DDX51: variants seen among roughly 807,000 people sequenced by gnomAD.
The protein encoded by DDX51 is DEAD-box helicase 51.
DDX51 carries 67 observed loss-of-function variants against 74.6 expected under a neutral mutation model. That is an observed-to-expected ratio of 0.90 (90% CI 0.74 to 1.10). The LOEUF (loss-of-function observed/expected upper bound fraction) is 1.10. DDX51 is among the 50% of genes least tolerant of loss of function. DDX51 has a pLI of 0.00. For missense variants in DDX51, 1,056 were observed against 905.2 expected, an observed-to-expected ratio of 1.17 and a Z score of -2.14; for synonymous variants, 545 against 402.9, an observed-to-expected ratio of 1.35 and a Z score of -4.22.
chr12:132,143,973 C>T lies in DDX51; in HGVS notation c.304+20G>A, dbSNP rs369570872. The T allele has an allele frequency of 1.0e-3, 1,432 of 1,427,288 alleles. 10 individuals carry two copies. The African/African-American group carries it at 0.019, about 19-fold the overall frequency. The allele number at this position is 1,427,288 out of a possible 1,614,324, so 88.4% of individuals were successfully genotyped here. On this transcript the variant is annotated intron_variant, in intron 1 of 14. Transcript: ENST00000397333. ...GAGTCGCCGGCGCCCCAGAGGGAGCCCGCTCGCCCCGCGGCCCACCTGCGC... is the reference window on the plus strand; with the variant it reads ...GAGTCGCCGGCGCCCCAGAGGGAGCTCGCTCGCCCCGCGGCCCACCTGCGC...
intron 2 of DDX51, chr12:132,143,435 C>A: frequency 1.8e-6 from 1 of 571,376 alleles, no homozygotes; most frequent in Non-Finnish European, 3.0e-6. Context: ...CAGCAGGAAA[C>A]CCCGCACGTT....
At chr12:132,143,204 C>T (rs1409754865) in intron 2 of DDX51, 3 of 430,528 alleles carry the variant, frequency 7.0e-6, no homozygotes, top group Non-Finnish European at 1.3e-5. Flanking sequence ...GCACCCCCAA[C>T]CCCCAACCTT....
At chr12:132,142,601 G>C in intron 3 of DDX51, 127 bp downstream of exon 3, 11 of 1,482,462 alleles carry the variant, frequency 7.4e-6, no homozygotes, top group Non-Finnish European at 9.9e-6. Flanking sequence ...GGAACCATGA[G>C]CTTGAGAGTG....
At chr12:132,139,357 G>T in intron 14 of DDX51, 59 bp from the exon 15 acceptor site, 1 of 1,588,692 alleles carries the variant, frequency 6.3e-7, no homozygotes, top group Non-Finnish European at 8.6e-7. Context: ...CGTCTGTGGG[G>T]CCCCGGGCTC....
In DDX51 at chr12:132,141,539, C is replaced by T. The variant is rs773766700; in HGVS notation, c.1063G>A (p.Asp355Asn). ...ATPGRLVDHI[D>N]QTPGFSLQQL... ...TGGAGGCTGAATCCTGGGGTCTGGT[C>T]GATGTGGTCCACCAGGCGGCCGGGG... Residue 355 changes from aspartate to asparagine, a missense_variant, in exon 7 of 15, where the codon GAC becomes AAC. Asp to Asn is a conservative substitution (Grantham distance 23). Coordinates refer to ENST00000397333, the MANE Select transcript of DDX51 (RefSeq NM_175066.4). 2 of 1,603,848 alleles carry T rather than the reference C, an allele frequency of 1.2e-6. No individual in the cohort carries two copies. The highest frequency in any genetic ancestry group is 2.2e-5 in the East Asian group (1 of 44,804).
rs199727565 is a variant in DDX51 at position 132,139,743 on chromosome 12, A to G, written c.1866T>C (p.Thr622=). The part of the protein sequence containing the change: ...VQERRFLRML[T]EAGAPELQRH... ...GCTGCAACTCAGGTGCCCCAGCTTC[A>G]GTTAGCATTCGGAGGAATCTCCTCT... Residue 622 remains threonine (T), a synonymous_variant, in exon 14 of 15, where the codon ACT becomes ACC. Coordinates refer to ENST00000397333, the MANE Select transcript of DDX51 (RefSeq NM_175066.4). 8.7e-4 allele frequency: 1,410 copies of G among 1,613,130 alleles called. 9 individuals are homozygous for G. Among genetic ancestry groups the G allele is most frequent in the South Asian group, 1.3e-3 (122 of 91,086 alleles).
At chr12:132,139,459 A>T in intron 14 of DDX51, 161 bp from the exon 15 acceptor site, 1 of 1,522,380 alleles carries the variant, frequency 6.6e-7, no homozygotes, top group African/African-American at 1.4e-5. Context: ...ACGTGTTTCC[A>T]CCACTGGTGC....
chr12:132,142,872 G>A lies in DDX51; in HGVS notation c.526C>T (p.Pro176Ser). The A allele has an allele frequency of 6.2e-7, 1 of 1,612,642 alleles. No individual in the cohort carries two copies. The highest frequency in any genetic ancestry group is 1.1e-5 in the South Asian group (1 of 91,082). The part of the protein sequence containing the change: ...FGKRKAPKVQ[P>S]FLPRWLAEPN... ...TCAGCCAGCCACCTTGGCAGGAAAG[G>A]CTGGACCTGCCATCAAAAAGAAAGA... The change falls in exon 3 of 15, where the codon CCT becomes TCT. Residue 176 changes from proline to serine, a missense_variant. Pro to Ser is a moderately conservative substitution (Grantham distance 74). Coordinates refer to ENST00000397333, the MANE Select transcript of DDX51 (RefSeq NM_175066.4).
At chr12:132,143,339 C>T (rs138166478) in intron 2 of DDX51, 6,747 of 455,122 alleles carry the variant, frequency 0.015, 65 homozygotes, top group Non-Finnish European at 0.017. Context: ...AATCTCTTTA[C>T]CGAAAACCAC....
rs762811160 is a variant in DDX51 at position 132,140,455 on chromosome 12, G to A, written c.1641C>T (p.Ile547=). 2 of 1,613,236 alleles carry A rather than the reference G, an allele frequency of 1.2e-6. No individual in the cohort carries two copies. Among genetic ancestry groups the A allele is most frequent in the African/African-American group, 2.7e-5 (2 of 75,054 alleles). ...SRYGPGQRRM[I]LKQFEQGKIQ... ...TCTTCCCCTGTTCAAACTGCTTCAGGATCATCCTCCTCTGGCCAGGCCCGT... is the reference window on the plus strand; with the variant it reads ...TCTTCCCCTGTTCAAACTGCTTCAGAATCATCCTCCTCTGGCCAGGCCCGT... The change falls in exon 11 of 15, where the codon ATC becomes ATT. Residue 547 remains isoleucine, a synonymous_variant. Transcript: ENST00000397333.
chr12:132,140,031 TC>T, intron 12 of DDX51, 66 bp downstream of exon 12: 1 of 1,606,272 alleles, frequency 6.2e-7, no homozygotes, highest in Non-Finnish European at 8.5e-7. Flanking sequence ...GTCAAGACGG[TC>T]CCACATCAAC....
At position 132,144,100 on chromosome 12, in the gene DDX51, C is replaced by T. The variant is rs1409620033; in HGVS notation, c.197G>A (p.Arg66Lys). ...CCGCCGCCGCCGGGGCCGCCGTCGC[C>T]TCCTGGTCGCCGGCTCGGTCGATGC... ...AAASTEPATR[R>K]RRRPRRRRRV... The change falls in exon 1 of 15, where the codon AGG (arginine) becomes AAG (lysine). Residue 66 changes from arginine to lysine, a missense_variant. Coordinates refer to ENST00000397333, the MANE Select transcript of DDX51 (RefSeq NM_175066.4). 9.0e-6 allele frequency: 11 copies of T among 1,225,212 alleles called. No homozygotes were observed. Among genetic ancestry groups the T allele is most frequent in the Non-Finnish European group, 1.0e-5 (10 of 984,640 alleles). The allele number at this position is 1,225,212 out of a possible 1,614,324, so 75.9% of individuals were successfully genotyped here.
chr12:132,139,134 A>C lies in DDX51; in HGVS notation c.*138T>G. Reference sequence around the variant, plus strand: ...CTGACGCCCGGGCTGCCTGGCGCAGAGACCACGTGCTTGGGGAGGAAGGCT... The same window carrying C: ...CTGACGCCCGGGCTGCCTGGCGCAGCGACCACGTGCTTGGGGAGGAAGGCT... On this transcript the variant is annotated 3_prime_UTR_variant, in exon 15 of 15. Coordinates refer to ENST00000397333, the MANE Select transcript of DDX51 (RefSeq NM_175066.4). 7.5e-7 allele frequency: 1 copy of C among 1,339,418 alleles called. No individual in the cohort carries two copies. The highest frequency in any genetic ancestry group is 1.0e-6 in the Non-Finnish European group (1 of 983,284). 83.0% of individuals were successfully genotyped at this position (1,339,418 alleles called of 1,614,324 possible).
chr12:132,139,045 C>T lies in DDX51; in HGVS notation c.*227G>A. Reference sequence around the variant, plus strand: ...CTAAGGCTTCATTGCCCGCAGCCATCCTGACCTCCACACTCTGAAAGTGAC... The same window carrying T: ...CTAAGGCTTCATTGCCCGCAGCCATTCTGACCTCCACACTCTGAAAGTGAC... On this transcript the variant is annotated 3_prime_UTR_variant, in exon 15 of 15. Transcript: ENST00000397333. 1.7e-6 allele frequency: 1 copy of T among 592,808 alleles called. No homozygotes were observed. Among genetic ancestry groups the T allele is most frequent in the Non-Finnish European group, 2.9e-6 (1 of 342,316 alleles). 36.7% of individuals were successfully genotyped at this position (592,808 alleles called of 1,614,324 possible). A position where few individuals can be genotyped will look rare whatever the true frequency, so the allele number is the denominator to read the frequency against.
At chr12:132,143,054 T>C in intron 2 of DDX51, 176 bp from the exon 3 acceptor site, 1 of 766,258 alleles carries the variant, frequency 1.3e-6, no homozygotes, top group Non-Finnish European at 2.1e-6. Flanking sequence ...TAAAAGCAGA[T>C]GCCACTCCCT....
Position 132,144,073 on chromosome 12 carries a change from C to CGCCGCCGCCGCCGGG in DDX51, c.209_223dup (p.Pro70_Arg74dup). 2 of 1,223,572 alleles carry CGCCGCCGCCGCCGGG rather than the reference C, an allele frequency of 1.6e-6. No homozygotes were observed. The highest frequency in any genetic ancestry group is 2.0e-6 in the Non-Finnish European group (2 of 983,514). The allele number at this position is 1,223,572 out of a possible 1,614,324, so 75.8% of individuals were successfully genotyped here. ...GCTCCCCGGCTCCGCGTCGTTCACC[C>CGCCGCCGCCGCCGGG]GCCGCCGCCGCCGGGGCCGCCGTCG... On this transcript the variant is annotated inframe_insertion, in exon 1 of 15. Transcript: ENST00000397333.
chr12:132,140,642 T>C lies in DDX51; in HGVS notation c.1534A>G (p.Asn512Asp), dbSNP rs1437246275. 1.2e-6 allele frequency: 2 copies of C among 1,612,694 alleles called. No individual in the cohort carries two copies. The highest frequency in any genetic ancestry group is 1.1e-5 in the South Asian group (1 of 91,058). The change falls in exon 10 of 15, where the codon AAC becomes GAC. Residue 512 changes from asparagine (N) to aspartate (D), a missense_variant. Physicochemically the swap from Asn to Asp is conservative, Grantham distance 23. Transcript: ENST00000397333. ...MGFSRVLCFT[N>D]SRENSHRLFL... Reference sequence around the variant, plus strand: ...CACCTGTGGGAGTTCTCTCGGGAGTTAGTGAAGCAGAGAACCCTCGAGAAG... The same window carrying C: ...CACCTGTGGGAGTTCTCTCGGGAGTCAGTGAAGCAGAGAACCCTCGAGAAG...
Position 132,140,448 on chromosome 12 carries a change from G to A in DDX51, c.1648C>T (p.Gln550Ter), listed in dbSNP as rs1267144528. The part of the protein sequence containing the change: ...GPGQRRMILK[Q>*]FEQGKIQLLI... ...AGCTGGATCTTCCCCTGTTCAAACTGCTTCAGGATCATCCTCCTCTGGCCA... is the reference window on the plus strand; with the variant it reads ...AGCTGGATCTTCCCCTGTTCAAACTACTTCAGGATCATCCTCCTCTGGCCA... The change falls in exon 11 of 15, where the codon CAG (glutamine) becomes TAG (stop). Residue 550 changes from glutamine to a stop codon, truncating the protein, a stop_gained. Coordinates refer to ENST00000397333, the MANE Select transcript of DDX51 (RefSeq NM_175066.4). LOFTEE classifies it high-confidence loss of function. The A allele has an allele frequency of 2.5e-6, 4 of 1,613,284 alleles. No individual in the cohort carries two copies. The highest frequency in any genetic ancestry group is 2.5e-6 in the Non-Finnish European group (3 of 1,180,026).
In DDX51 at chr12:132,141,393, C is replaced by T; in HGVS notation, c.1132G>A (p.Asp378Asn). Residue 378 changes from aspartate to asparagine, a missense_variant, in exon 8 of 15, where the codon GAC becomes AAC. Asp to Asn is a conservative substitution (Grantham distance 23, BLOSUM62 1). Transcript: ENST00000397333. ...LIIDEADRMI[D>N]SMHQSWLPRV... Reference sequence around the variant, plus strand: ...GGCAGCCAGGACTGATGCATGCTGTCAATCATCCGGTCAGCCTCGTCGATA... The same window carrying T: ...GGCAGCCAGGACTGATGCATGCTGTTAATCATCCGGTCAGCCTCGTCGATA... 1 of 1,597,148 alleles carries T rather than the reference C, an allele frequency of 6.3e-7. No homozygotes were observed. The highest frequency in any genetic ancestry group is 8.5e-7 in the Non-Finnish European group (1 of 1,178,900).
Sources: allele counts gnomAD v4.1 joint callset, GRCh38; gene constraint gnomAD v4.1.1; transcripts MANE v1.5; gene names NCBI Gene and HGNC (gene_info 2026-07-23, HGNC 2026-07-21).